The following PRKCA variants were observed in gnomAD, a reference collection of about 807,000 sequenced individuals.
The protein encoded by PRKCA is protein kinase C alpha.
Under a neutral mutation model 87.0 loss-of-function variants are expected in PRKCA, and 27 were observed. That is an observed-to-expected ratio of 0.31 (90% CI 0.23 to 0.43). PRKCA has a LOEUF of 0.43. Among genes scored for constraint, PRKCA ranks in the 20% least tolerant of loss-of-function variants. PRKCA has a pLI of 1.00. For synonymous variants in PRKCA, 329 were observed against 311.1 expected, an observed-to-expected ratio of 1.06 and a Z score of -0.61; for missense variants, 518 against 852.3, an observed-to-expected ratio of 0.61 and a Z score of 4.88.
At chr17:66,765,425 T>TGG (rs1974781080) in intron 13 of PRKCA, among the ~76,000 whole-genome samples, 1 of 124,802 alleles carries the variant, frequency 8.0e-6, no homozygotes, top group Admixed American at 7.9e-5. Context: ...TGTCTATATA[T>TGG]ATATATATAT....
At chr17:66,615,864 G>T (rs1009798294) in intron 3 of PRKCA, among the ~76,000 whole-genome samples, 3 of 152,178 alleles carry the variant, frequency 2.0e-5, no homozygotes, top group African/African-American at 7.2e-5. Flanking sequence ...AATCCAAGCA[G>T]CTTCAAGGAA....
At chr17:66,635,302 G>T (rs1261876080) in intron 3 of PRKCA, among the ~76,000 whole-genome samples, 1 of 152,162 alleles carries the variant, frequency 6.6e-6, no homozygotes, top group Non-Finnish European at 1.5e-5. Flanking sequence ...ACCTACTCTT[G>T]GGCCAGTGGG....
chr17:66,629,109 T>G (rs1228345583), intron 3 of PRKCA, among the ~76,000 whole-genome samples: 1 of 152,180 alleles, frequency 6.6e-6, no homozygotes, highest in East Asian at 1.9e-4. Flanking sequence ...CTGGAAGTAA[T>G]GAGGAGTCAG....
Position 66,704,563 on chromosome 17 carries a change from T to C in PRKCA, c.918+15516T>C, listed in dbSNP as rs923544470. 5.1e-4 allele frequency among the ~76,000 whole-genome samples: 78 copies of C among 152,354 alleles called. 2 individuals carry two copies. The highest frequency in any genetic ancestry group is 1.9e-3 in the African/African-American group (77 of 41,582). On this transcript the variant is annotated intron_variant, in intron 8 of 16. Coordinates refer to ENST00000413366, the MANE Select transcript of PRKCA (RefSeq NM_002737.3). ...AATATGTGTGTCTTCACAGTTCTTA[T>C]ATTTGTGACCATTCAGAACTATATG...
At chr17:66,673,310 C>G (rs1972243233) in intron 5 of PRKCA, among the ~76,000 whole-genome samples, 1 of 152,198 alleles carries the variant, frequency 6.6e-6, no homozygotes, top group African/African-American at 2.4e-5. Context: ...AGTTGCCAAC[C>G]TGTGTTTTCT....
chr17:66,328,459 A>G (rs1906123069), intron 2 of PRKCA, among the ~76,000 whole-genome samples: 1 of 152,132 alleles, frequency 6.6e-6, no homozygotes, highest in Non-Finnish European at 1.5e-5. Context: ...TAAAGCAGCC[A>G]GCAACTGCAA....
At chr17:66,633,880 A>G (rs1243058920) in intron 3 of PRKCA, among the ~76,000 whole-genome samples, 2 of 152,354 alleles carry the variant, frequency 1.3e-5, no homozygotes, top group Middle Eastern at 3.4e-3. Flanking sequence ...GCACATAGCT[A>G]GATTAGTCTC....
At chr17:66,557,122 T>C (rs1194378644) in intron 3 of PRKCA, among the ~76,000 whole-genome samples, 2 of 152,136 alleles carry the variant, frequency 1.3e-5, no homozygotes, top group African/African-American at 4.8e-5. Flanking sequence ...TGGTTGGAAA[T>C]GGAATGATAG....
intron 3 of PRKCA, among the ~76,000 whole-genome samples, chr17:66,534,798 C>T (rs1376953519): frequency 6.6e-6 from 1 of 152,196 alleles, no homozygotes; most frequent in East Asian, 1.9e-4. Flanking sequence ...TAATTTGACT[C>T]TCTCCTGTAT....
chr17:66,464,643 T>A (rs750169644), intron 2 of PRKCA, among the ~76,000 whole-genome samples: 2 of 152,364 alleles, frequency 1.3e-5, no homozygotes, highest in Admixed American at 1.3e-4. Context: ...TCTTTTCACA[T>A]GCATATTTGC....
At position 66,689,455 on chromosome 17, in the gene PRKCA, AC is replaced by A. The variant is rs921540962; in HGVS notation, c.918+409del. On this transcript the variant is annotated intron_variant, in intron 8 of 16. Transcript: ENST00000413366. The surrounding 1 kb of genome is among the most constrained non-coding windows in gnomAD (Gnocchi z 4.1). ...GTGTGTAATCAGGCTATCATCTGAG[AC>A]TTTTTTTTTCTACAGAAAGTACAAG... Among the ~76,000 whole-genome samples, 1 of 152,094 alleles carries A rather than the reference AC, an allele frequency of 6.6e-6. No homozygotes were observed. The highest frequency in any genetic ancestry group is 2.4e-5 in the African/African-American group (1 of 41,400).
At chr17:66,470,150 A>G (rs909234712) in intron 2 of PRKCA, among the ~76,000 whole-genome samples, 1 of 150,108 alleles carries the variant, frequency 6.7e-6, no homozygotes, top group South Asian at 2.1e-4. Context: ...TTCCCCTGAC[A>G]TATTTCAGAG....
intron 4 of PRKCA, among the ~76,000 whole-genome samples, chr17:66,643,868 C>T (rs758088064): frequency 3.3e-5 from 5 of 152,218 alleles, no homozygotes; most frequent in Non-Finnish European, 7.3e-5. Context: ...GCAACAACAA[C>T]TTGAGTGGGC....
chr17:66,695,936 A>G (rs1366129392), intron 8 of PRKCA, among the ~76,000 whole-genome samples: 11 of 152,360 alleles, frequency 7.2e-5, no homozygotes, highest in East Asian at 3.9e-4. Flanking sequence ...TGAAGCTTGT[A>G]TGAGCTCTCT....
At chr17:66,396,506 T>C (rs1455740917) in intron 2 of PRKCA, among the ~76,000 whole-genome samples, 2 of 152,190 alleles carry the variant, frequency 1.3e-5, no homozygotes, top group Non-Finnish European at 2.9e-5. Flanking sequence ...AGTTTTTACA[T>C]AGTTTTATGC....
chr17:66,370,646 G>T (rs1274472475), intron 2 of PRKCA, among the ~76,000 whole-genome samples: 1 of 149,888 alleles, frequency 6.7e-6, no homozygotes, highest in Non-Finnish European at 1.5e-5. Flanking sequence ...GAACTCCCAG[G>T]CTCAAGCAAT....
chr17:66,332,933 C>T (rs1018125876), intron 2 of PRKCA, among the ~76,000 whole-genome samples: 2 of 152,114 alleles, frequency 1.3e-5, no homozygotes, highest in African/African-American at 4.8e-5. Context: ...CCTTGTGATC[C>T]ACCCGCCTTG....
intron 3 of PRKCA, among the ~76,000 whole-genome samples, chr17:66,560,509 T>C (rs769136105): frequency 6.6e-6 from 1 of 152,044 alleles, no homozygotes; most frequent in Non-Finnish European, 1.5e-5. Context: ...AGTGGTGTGG[T>C]GTTGGGGGAA....
intron 2 of PRKCA, among the ~76,000 whole-genome samples, chr17:66,483,990 A>C (rs1055367887): frequency 1.8e-4 from 28 of 152,130 alleles, no homozygotes; most frequent in African/African-American, 6.8e-4. Flanking sequence ...TAATTTATTA[A>C]GAAAAAAAAA....
Sources: allele counts gnomAD v4.1 joint callset (sites outside exome capture counted in the v4.1 genomes callset), GRCh38; gene constraint gnomAD v4.1.1; non-coding constraint Gnocchi (gnomAD v3.1); transcripts MANE v1.5; gene names NCBI Gene and HGNC (gene_info 2026-07-23, HGNC 2026-07-21).